Variants in RNASE11 observed in about 807,000 individuals in gnomAD.
The protein encoded by RNASE11 is putative inactive ribonuclease 11.
For synonymous variants in RNASE11, 105 were observed against 86.1 expected (o/e 1.22, Z -1.21); for missense variants, 252 against 237.8 (o/e 1.06, Z -0.39).
intron 1 of RNASE11, among the ~76,000 whole-genome samples, chr14:20,587,361 G>A (rs995867937): frequency 4.6e-5 from 7 of 152,140 alleles, no homozygotes; most frequent in Non-Finnish European, 1.0e-4. Flanking sequence ...AATTAGAAAG[G>A]AGGAGCTTCG....
At chr14:20,589,549 G>A (rs930404978), upstream of RNASE11, among the ~76,000 whole-genome samples, 1 of 143,458 alleles carries the variant, frequency 7.0e-6, no homozygotes, top group African/African-American at 2.5e-5. Context: ...CACCGCGCCC[G>A]GCGAGCATCC....
chr14:20,585,688 C>T (rs1292957649), intron 1 of RNASE11, among the ~76,000 whole-genome samples: 1 of 152,166 alleles, frequency 6.6e-6, no homozygotes, highest in Non-Finnish European at 1.5e-5. Context: ...AATTCTCAGT[C>T]TTTCTGAAAC....
upstream of RNASE11, chr14:20,587,824 T>A (rs554214145): frequency 1.0e-6 from 1 of 985,512 alleles, no homozygotes; most frequent in East Asian, 1.1e-4. Context: ...ACTTGATGGT[T>A]ACAAAAGACA....
At chr14:20,585,557 A>G (rs990951974) in intron 1 of RNASE11, among the ~76,000 whole-genome samples, 1 of 152,222 alleles carries the variant, frequency 6.6e-6, no homozygotes, top group Non-Finnish European at 1.5e-5. Flanking sequence ...TCAGTTATAA[A>G]TTTTAATGGA....
chr14:20,584,337 T>C, exon 2 of RNASE11: 2 of 1,614,138 alleles, frequency 1.2e-6, no homozygotes, highest in Admixed American at 1.7e-5. Flanking sequence ...CAATGGTCTG[T>C]TTTTCTTGGC....
At chr14:20,590,043 A>C, upstream of RNASE11, 1 of 726,988 alleles carries the variant, frequency 1.4e-6, no homozygotes, top group Non-Finnish European at 2.1e-6. Flanking sequence ...ACCTAGAGAT[A>C]AGGGACAAAA....
exon 2 of RNASE11, chr14:20,584,100 T>G: frequency 6.2e-7 from 1 of 1,613,846 alleles, no homozygotes; most frequent in Non-Finnish European, 8.5e-7. Context: ...GCATCACTTC[T>G]GTGGAGCTGC....
At chr14:20,590,224 A>T, upstream of RNASE11, 1 of 1,588,708 alleles carries the variant, frequency 6.3e-7, no homozygotes, top group South Asian at 1.1e-5. Flanking sequence ...CCTCAGGCAC[A>T]GCCAGCTCCA....
At chr14:20,585,923 T>C (rs2063454231) in intron 1 of RNASE11, among the ~76,000 whole-genome samples, 1 of 152,100 alleles carries the variant, frequency 6.6e-6, no homozygotes, top group African/African-American at 2.4e-5. Context: ...TTCCTCTTTT[T>C]TATGTTCCAC....
At chr14:20,587,028 C>T (rs1678292340) in intron 1 of RNASE11, among the ~76,000 whole-genome samples, 1 of 152,122 alleles carries the variant, frequency 6.6e-6, no homozygotes. Context: ...TGGCATATGC[C>T]TATAGTCCCA....
chr14:20,590,219 G>GCT, upstream of RNASE11: 1 of 1,584,930 alleles, frequency 6.3e-7, no homozygotes, highest in Non-Finnish European at 8.6e-7. Flanking sequence ...GTCTGCCTCA[G>GCT]GCACAGCCAG....
At chr14:20,583,770 G>C in exon 2 of RNASE11, 1 of 1,242,266 alleles carries the variant, frequency 8.0e-7, no homozygotes, top group South Asian at 1.6e-5. Flanking sequence ...ATAATCAGGA[G>C]TTCACTATAG....
chr14:20,584,438 G>C, exon 2 of RNASE11: 1 of 1,608,186 alleles, frequency 6.2e-7, no homozygotes, highest in South Asian at 1.1e-5. Context: ...GCAAGAACCA[G>C]GCCCAGGCTG....
At chr14:20,587,964 C>G, upstream of RNASE11, 1 of 380,292 alleles carries the variant, frequency 2.6e-6, no homozygotes, top group Non-Finnish European at 3.6e-6. Context: ...AAGCCTGTGA[C>G]CCACCCATGC....
chr14:20,585,468 A>G (rs777923817), intron 1 of RNASE11, among the ~76,000 whole-genome samples: 4 of 152,174 alleles, frequency 2.6e-5, no homozygotes, highest in Admixed American at 6.5e-5. Flanking sequence ...CCTGAAACAC[A>G]GTTTCTGATT....
intron 1 of RNASE11, among the ~76,000 whole-genome samples, chr14:20,585,533 T>C (rs1289923669): frequency 6.6e-6 from 1 of 152,222 alleles, no homozygotes; most frequent in African/African-American, 2.4e-5. Context: ...TAATAAAGAA[T>C]CTGCACTCCA....
At chr14:20,585,116 T>C in intron 1 of RNASE11, 1 of 984,604 alleles carries the variant, frequency 1.0e-6, no homozygotes, top group Non-Finnish European at 1.2e-6. Flanking sequence ...TGGGAGTTTC[T>C]GCTGTTGTGT....
At chr14:20,584,994 AC>A in intron 1 of RNASE11, 1 of 830,416 alleles carries the variant, frequency 1.2e-6, no homozygotes, top group South Asian at 5.5e-5. Flanking sequence ...TTCTTTTGCC[AC>A]CCATTCTCAT....
At chr14:20,585,683 T>C (rs1884420246) in intron 1 of RNASE11, among the ~76,000 whole-genome samples, 1 of 152,214 alleles carries the variant, frequency 6.6e-6, no homozygotes, top group South Asian at 2.1e-4. Context: ...GCAGAAATTC[T>C]CAGTCTTTCT....
Sources: allele counts gnomAD v4.1 joint callset (sites outside exome capture counted in the v4.1 genomes callset), GRCh38; gene constraint gnomAD v4.1.1; transcripts MANE v1.5; gene names NCBI Gene and HGNC (gene_info 2026-07-23, HGNC 2026-07-21).